The following GLI2 variants were observed in gnomAD, a reference collection of about 807,000 sequenced individuals.
GLI2 encodes the protein transcription activator GLI2.
Under a neutral mutation model 78.9 loss-of-function variants are expected in GLI2, and 22 were observed. The observed-to-expected ratio is 0.28, with a 90% CI of 0.20 to 0.40. The LOEUF (loss-of-function observed/expected upper bound fraction) is 0.40. Among genes scored for constraint, GLI2 ranks in the 10% least tolerant of loss-of-function variants. GLI2 has a pLI of 1.00. For missense variants in GLI2, 2,097 were observed against 2,213.2 expected (o/e 0.95, Z 1.05); for synonymous variants, 974 against 963.7 (o/e 1.01, Z -0.20).
At chr2:120,891,632 GGC>G (rs1677685922) in intron 2 of GLI2, among the ~76,000 whole-genome samples, 1 of 152,156 alleles carries the variant, frequency 6.6e-6, no homozygotes, top group Non-Finnish European at 1.5e-5. Flanking sequence ...AGCAGCAAAG[GGC>G]AGGGCCTGGC....
intron 1 of GLI2, among the ~76,000 whole-genome samples, chr2:120,741,422 C>G (rs867713925): frequency 6.6e-6 from 1 of 151,888 alleles, no homozygotes; most frequent in Middle Eastern, 3.2e-3. Flanking sequence ...CTTCCCCTTT[C>G]TCTCTCTTCT....
chr2:120,789,029 C>CTTTTTTTTTTTT (rs765758623), intron 1 of GLI2, among the ~76,000 whole-genome samples: 2 of 135,500 alleles, frequency 1.5e-5, no homozygotes, highest in African/African-American at 3.2e-5. Context: ...TTATTTCTTT[C>CTTTTTTTTTTTT]TTTCTTTTTT....
chr2:120,884,831 C>T (rs770981657), intron 2 of GLI2, among the ~76,000 whole-genome samples: 1 of 152,150 alleles, frequency 6.6e-6, no homozygotes, highest in African/African-American at 2.4e-5. Flanking sequence ...GAGAGTGGCG[C>T]GTGGGGGCCC....
intron 3 of GLI2, among the ~76,000 whole-genome samples, chr2:120,929,856 G>A (rs1011856939): frequency 3.3e-5 from 5 of 152,190 alleles, no homozygotes; most frequent in Non-Finnish European, 5.9e-5. Flanking sequence ...ACCACAGCTG[G>A]AGAAACCTCT....
intron 2 of GLI2, among the ~76,000 whole-genome samples, chr2:120,807,111 G>T (rs959986689): frequency 6.6e-6 from 1 of 152,148 alleles, no homozygotes; most frequent in East Asian, 1.9e-4. Context: ...TGGGGAGGGG[G>T]TCACCAAAGT....
intron 2 of GLI2, among the ~76,000 whole-genome samples, chr2:120,877,072 G>C (rs1017732297): frequency 6.6e-6 from 1 of 152,204 alleles, no homozygotes; most frequent in Non-Finnish European, 1.5e-5. Context: ...TGGGTCAGCC[G>C]GTGATGCATT....
chr2:120,797,591 G>T, intron 2 of GLI2, 123 bp downstream of exon 2: 2 of 918,522 alleles, frequency 2.2e-6, no homozygotes, highest in South Asian at 3.1e-5. Flanking sequence ...GGGCGAAGAG[G>T]AAGGCACCTC....
chr2:120,787,583 A>AT (rs1684033186), intron 1 of GLI2, among the ~76,000 whole-genome samples: 1 of 152,056 alleles, frequency 6.6e-6, no homozygotes, highest in African/African-American at 2.4e-5. Context: ...GGGCAGTGTG[A>AT]TTTTCCCTCC....
intron 1 of GLI2, among the ~76,000 whole-genome samples, chr2:120,796,041 G>T (rs13416718): frequency 0.22 from 33,819 of 152,032 alleles, 7,719 homozygotes; most frequent in African/African-American, 0.59. Context: ...TGAGACTCCA[G>T]CTCAAAAACA....
intron 2 of GLI2, among the ~76,000 whole-genome samples, chr2:120,862,249 C>T (rs1687934941): frequency 6.6e-6 from 1 of 152,230 alleles, no homozygotes; most frequent in East Asian, 1.9e-4. Context: ...TGGGGTGAGC[C>T]CTGGCCCAAA....
intron 2 of GLI2, among the ~76,000 whole-genome samples, chr2:120,842,972 C>T (rs528715647): frequency 1.3e-5 from 2 of 152,302 alleles, no homozygotes; most frequent in South Asian, 4.1e-4. Flanking sequence ...GAATCATTCC[C>T]TGGGTTGTAC....
At chr2:120,877,739 TGTGGATATAGCACAA>T (rs1432576080) in intron 2 of GLI2, among the ~76,000 whole-genome samples, 1 of 152,008 alleles carries the variant, frequency 6.6e-6, no homozygotes, top group African/African-American at 2.4e-5. Context: ...TTCCTGTTAT[TGTGGATATAGCACAA>T]TATACCAACG....
intron 1 of GLI2, among the ~76,000 whole-genome samples, chr2:120,771,850 C>T (rs1263350439): frequency 2.0e-5 from 3 of 152,184 alleles, no homozygotes; most frequent in Non-Finnish European, 1.5e-5. Context: ...GTGGTGTGGC[C>T]CTCCCCACTT....
chr2:120,950,241 A>G (rs144125497), intron 3 of GLI2, among the ~76,000 whole-genome samples: 182 of 152,384 alleles, frequency 1.2e-3, no homozygotes, highest in Admixed American at 2.2e-3. Context: ...TCTGATTCTA[A>G]CACACTCTCT....
At position 120,982,637 on chromosome 2, in the gene GLI2, G is replaced by C. The variant is rs13402788; in HGVS notation, c.1468-79G>C. 1,460 of 1,225,092 alleles carry C rather than the reference G, an allele frequency of 1.2e-3. 7 individuals carry two copies. In the African/African-American group the frequency reaches 0.019, roughly 16 times the overall value. 75.9% of individuals were successfully genotyped at this position (1,225,092 alleles called of 1,614,324 possible). On this transcript the variant is annotated intron_variant, in intron 10 of 13. Coordinates refer to ENST00000361492, the MANE Select transcript of GLI2 (RefSeq NM_001374353.1). ...GACGGGTTGGAGCAGAGCAGAGAAG[G>C]GGGTGGGGAGGAAGCAGCAGCCGGC...
chr2:120,989,254 G>C lies in GLI2; in HGVS notation c.3289G>C (p.Asp1097His). The C allele has an allele frequency of 6.2e-7, 1 of 1,613,126 alleles. No homozygotes were observed. Among genetic ancestry groups the C allele is most frequent in the Non-Finnish European group, 8.5e-7 (1 of 1,180,020 alleles). ...CGGCCAGCGCAGGATGGTGGCTGCG[G>C]ACTCCAACGTGGGCCCCTCCGCCCC... ...LHGQRRMVAADSNVGPSAPML... is the reference protein window; with the variant it reads ...LHGQRRMVAAHSNVGPSAPML... The change falls in exon 14 of 14, where the codon GAC becomes CAC. Residue 1097 changes from aspartate to histidine, a missense_variant. Asp to His is a moderately conservative substitution (Grantham distance 81). Around this residue, in one of 5 missense-constraint regions of GLI2, gnomAD observed 1,290 missense variants for 1,261.7 expected, o/e 1.02. Transcript: ENST00000361492.
chr2:120,910,342 A>G (rs112421954), intron 2 of GLI2, among the ~76,000 whole-genome samples: 2 of 152,260 alleles, frequency 1.3e-5, no homozygotes, highest in African/African-American at 4.8e-5. Context: ...ATTTATGCAA[A>G]TGGGGGAGGG....
chr2:120,768,828 T>TGTGTGCGC (rs1016876371), intron 1 of GLI2, among the ~76,000 whole-genome samples: 1 of 150,414 alleles, frequency 6.6e-6, no homozygotes, highest in African/African-American at 2.5e-5. Flanking sequence ...TGTGTGTGTG[T>TGTGTGCGC]GCGTGTGTGT....
intron 2 of GLI2, among the ~76,000 whole-genome samples, chr2:120,813,658 A>C (rs928956672): frequency 6.6e-6 from 1 of 151,954 alleles, no homozygotes; most frequent in African/African-American, 2.4e-5. Flanking sequence ...CAGGTCCCCC[A>C]CCACCACCCT....
Sources: allele counts gnomAD v4.1 joint callset (sites outside exome capture counted in the v4.1 genomes callset), GRCh38; gene constraint gnomAD v4.1.1; regional missense constraint gnomAD v4.1.1; transcripts MANE v1.5; gene names NCBI Gene and HGNC (gene_info 2026-07-23, HGNC 2026-07-21).